SNX6: variants seen among roughly 807,000 people sequenced by gnomAD.
SNX6 encodes the protein sorting nexin-6.
A neutral mutation model predicts 63.0 loss-of-function variants in SNX6; 34 were observed. That is an observed-to-expected ratio of 0.54 (90% CI 0.41 to 0.72). The LOEUF (loss-of-function observed/expected upper bound fraction) is 0.72. Ranked by LOEUF, SNX6 falls within the 30% of genes least tolerant of loss-of-function variation. The pLI, the probability that SNX6 is intolerant of heterozygous loss-of-function variation, is 0.00. For missense variants in SNX6, 398 were observed against 471.4 expected (o/e 0.84, Z 1.44); for synonymous variants, 170 against 164.2 (o/e 1.04, Z -0.27).
chr14:34,625,956 CT>C (rs1883810230), intron 2 of SNX6, among the ~76,000 whole-genome samples: 1 of 152,102 alleles, frequency 6.6e-6, no homozygotes, highest in South Asian at 2.1e-4. Context: ...TGTGCAGTGG[CT>C]CTGATATCAG....
intron 2 of SNX6, among the ~76,000 whole-genome samples, chr14:34,613,493 G>A (rs1883306598): frequency 6.6e-6 from 1 of 152,128 alleles, no homozygotes; most frequent in African/African-American, 2.4e-5. Context: ...CTGGTTGCTT[G>A]TTAAAAATAC....
intron 2 of SNX6, among the ~76,000 whole-genome samples, chr14:34,610,124 G>A (rs929271907): frequency 6.6e-6 from 1 of 151,190 alleles, no homozygotes; most frequent in African/African-American, 2.4e-5. Flanking sequence ...CGGGAGGACT[G>A]ACTGAGCCCA....
At chr14:34,614,987 C>T (rs894577631) in intron 2 of SNX6, among the ~76,000 whole-genome samples, 4 of 152,068 alleles carry the variant, frequency 2.6e-5, no homozygotes, top group Non-Finnish European at 5.9e-5. Flanking sequence ...TGGAAGCATA[C>T]CTTTCAGAGA....
chr14:34,604,201 C>A, intron 5 of SNX6: 1 of 1,288,408 alleles, frequency 7.8e-7, no homozygotes, highest in African/African-American at 1.5e-5. Flanking sequence ...TCAGTGAAGA[C>A]AAAAAAGAAG....
rs13826 is a variant in SNX6, at chr14:34,562,906, C to T, written c.*216G>A. 0.43 allele frequency: 239,240 copies of T among 554,766 alleles called. 56,309 individuals carry two copies. Among genetic ancestry groups the T allele is most frequent in the East Asian group, 0.73 (24,246 of 33,204 alleles). 34.4% of individuals were successfully genotyped at this position (554,766 alleles called of 1,614,324 possible). On this transcript the variant is annotated 3_prime_UTR_variant, in exon 14 of 14. Transcript: ENST00000362031. Reference sequence around the variant, plus strand: ...AGTATGACGAGTGCACGATGATGGACCACTGTCATGGGGAACACAGTGCGG... The same window carrying T: ...AGTATGACGAGTGCACGATGATGGATCACTGTCATGGGGAACACAGTGCGG...
rs752106185 is a variant in SNX6 at position 34,605,562 on chromosome 14, A to C, written c.392+34T>G. On this transcript the variant is annotated intron_variant, in intron 5 of 13. Coordinates refer to ENST00000362031, the MANE Select transcript of SNX6 (RefSeq NM_152233.4). ...AATTAACAAAGGCAACAACAACCAA[A>C]AAAAAAAAACAAAAAAATAAAAAAA... The C allele has an allele frequency of 5.4e-6, 8 of 1,493,470 alleles. No individual in the cohort carries two copies. The Admixed American group carries it at 7.7e-5, about 14-fold the overall frequency. 92.5% of individuals were successfully genotyped at this position (1,493,470 alleles called of 1,614,324 possible). A position where few individuals can be genotyped will look rare whatever the true frequency, so the allele number is the denominator to read the frequency against.
rs577204142 is a variant in SNX6 at position 34,601,564 on chromosome 14, T to C, written c.516+1784A>G. 4.0e-5 allele frequency among the ~76,000 whole-genome samples: 6 copies of C among 151,490 alleles called. No individual in the cohort carries two copies. In the South Asian group the frequency reaches 1.0e-3, roughly 26 times the overall value. ...TTGCAATTAAGGATTACAAAAAAAA[T>C]CAGTGTCCCTTGTAGTAACATGATT... On this transcript the variant is annotated intron_variant, in intron 6 of 13. Coordinates refer to ENST00000362031, the MANE Select transcript of SNX6 (RefSeq NM_152233.4).
At chr14:34,617,005 C>A (rs1237511089) in intron 2 of SNX6, among the ~76,000 whole-genome samples, 1 of 151,982 alleles carries the variant, frequency 6.6e-6, no homozygotes, top group African/African-American at 2.4e-5. Flanking sequence ...TTGCTTGAAT[C>A]CAGGAGGCGG....
At chr14:34,574,820 A>C (rs1881621285) in intron 11 of SNX6, among the ~76,000 whole-genome samples, 1 of 151,306 alleles carries the variant, frequency 6.6e-6, no homozygotes, top group African/African-American at 2.4e-5. Context: ...GGCCTCCCAA[A>C]GTGCTGGGAT....
At chr14:34,619,835 C>A (rs1353206698) in intron 2 of SNX6, among the ~76,000 whole-genome samples, 1 of 152,072 alleles carries the variant, frequency 6.6e-6, no homozygotes, top group East Asian at 1.9e-4. Flanking sequence ...TTTTACCATA[C>A]CTGGCTCACA....
chr14:34,593,067 A>G lies in SNX6; in HGVS notation c.696T>C (p.Asp232=), dbSNP rs1395534244. ...TACTTTTGTGGGATCTTGTCATTCT[A>G]TCAGATTTAGCAGATGCATCCTTAA... ...NRVKDASAKS[D]RMTRSHKSAA... Residue 232 remains aspartate (D), a synonymous_variant, in exon 8 of 14, where the codon GAT becomes GAC. Transcript: ENST00000362031. The G allele has an allele frequency of 3.1e-6, 5 of 1,601,330 alleles. No individual in the cohort carries two copies. Among genetic ancestry groups the G allele is most frequent in the Non-Finnish European group, 4.3e-6 (5 of 1,176,002 alleles).
chr14:34,578,936 T>TGA, intron 10 of SNX6, among the ~76,000 whole-genome samples: 1 of 3,116 alleles, frequency 3.2e-4, no homozygotes, highest in African/African-American at 4.7e-4. Context: ...AGACTTCATC[T>TGA]CAAAAAAAAA....
chr14:34,619,325 G>C (rs187561079), intron 2 of SNX6, among the ~76,000 whole-genome samples: 29 of 152,186 alleles, frequency 1.9e-4, no homozygotes, highest in African/African-American at 6.5e-4. Flanking sequence ...GGGAGGCTGA[G>C]GCAGAAGGAT....
chr14:34,613,461 A>C (rs1465952391), intron 2 of SNX6, among the ~76,000 whole-genome samples: 2 of 152,176 alleles, frequency 1.3e-5, no homozygotes, highest in Non-Finnish European at 2.9e-5. Context: ...GCATTTCCAA[A>C]ACACACCTAA....
At chr14:34,591,131 T>C (rs1882375806) in intron 8 of SNX6, among the ~76,000 whole-genome samples, 1 of 152,144 alleles carries the variant, frequency 6.6e-6, no homozygotes, top group South Asian at 2.1e-4. Flanking sequence ...GTGTTCATTA[T>C]TTTGATTGTG....
chr14:34,612,535 G>T (rs1317945509), intron 2 of SNX6, among the ~76,000 whole-genome samples: 1 of 152,004 alleles, frequency 6.6e-6, no homozygotes, highest in Non-Finnish European at 1.5e-5. Context: ...CCATGTTCAA[G>T]TGATTCTCCT....
At chr14:34,584,935 C>G (rs746676958) in intron 9 of SNX6, among the ~76,000 whole-genome samples, 13 of 151,960 alleles carry the variant, frequency 8.6e-5, no homozygotes, top group Non-Finnish European at 1.8e-4. Context: ...TCAACGCAAC[C>G]TTCGTCTCCT....
chr14:34,610,618 T>G (rs1025502820), intron 2 of SNX6, among the ~76,000 whole-genome samples: 3 of 152,154 alleles, frequency 2.0e-5, no homozygotes, highest in Admixed American at 1.3e-4. Context: ...AATAAGTAAC[T>G]CCATAAACTA....
chr14:34,583,478 G>C (rs1427743515), intron 9 of SNX6, among the ~76,000 whole-genome samples: 2 of 139,740 alleles, frequency 1.4e-5, no homozygotes, highest in African/African-American at 5.3e-5. Context: ...CTGTCACCCC[G>C]TTCTGGCACA....
Sources: gnomAD v4.1 joint callset for allele counts (sites outside exome capture counted in the v4.1 genomes callset) on GRCh38, gnomAD v4.1.1 for gene constraint, MANE v1.5 for transcripts, NCBI Gene and HGNC (gene_info 2026-07-23, HGNC 2026-07-21) for gene names.